Variants in MCTP1 observed in about 807,000 individuals in gnomAD.
MCTP1 encodes the protein multiple C2 and transmembrane domain containing 1, also known as multiple C2 and transmembrane domain-containing protein 1.
A neutral mutation model predicts 120.6 loss-of-function variants in MCTP1; 69 were observed. The ratio of observed to expected loss-of-function variants is 0.57; its 90% confidence interval spans 0.47 to 0.70. The LOEUF is 0.70. Among genes scored for constraint, MCTP1 ranks in the 30% least tolerant of loss-of-function variants. The pLI, the probability that MCTP1 is intolerant of heterozygous loss-of-function variation, is 0.00. For synonymous variants in MCTP1, 529 were observed against 493.1 expected, an observed-to-expected ratio of 1.07 and a Z score of -0.96; for missense variants, 1,203 against 1,248.8, an observed-to-expected ratio of 0.96 and a Z score of 0.55.
At chr5:95,227,762 C>T (rs1229303156) in intron 1 of MCTP1, among the ~76,000 whole-genome samples, 1 of 151,922 alleles carries the variant, frequency 6.6e-6, no homozygotes, top group Non-Finnish European at 1.5e-5. Context: ...TAGGTCATTA[C>T]CTTATATTAA....
chr5:94,995,891 GAT>G (rs1390443436), intron 2 of MCTP1, among the ~76,000 whole-genome samples: 1 of 152,140 alleles, frequency 6.6e-6, no homozygotes, highest in Non-Finnish European at 1.5e-5. Context: ...AAGAACAAAA[GAT>G]ATGCTAACAG....
chr5:95,084,174 A>T (rs1755252130), intron 1 of MCTP1, among the ~76,000 whole-genome samples: 1 of 152,166 alleles, frequency 6.6e-6, no homozygotes, highest in African/African-American at 2.4e-5. Context: ...CCTCCTGCAT[A>T]AATCTTGTAA....
chr5:94,847,676 G>A (rs62365746), intron 17 of MCTP1, among the ~76,000 whole-genome samples: 42 of 132,574 alleles, frequency 3.2e-4, no homozygotes, highest in Non-Finnish European at 4.0e-4. Flanking sequence ...GTGTGTGTGT[G>A]TGTGTGTATA....
chr5:94,909,242 T>G lies in MCTP1; in HGVS notation c.1652+9A>C. 6.2e-7 allele frequency: 1 copy of G among 1,611,828 alleles called. No homozygotes were observed. The highest frequency in any genetic ancestry group is 8.5e-7 in the Non-Finnish European group (1 of 1,178,934). ...TAGGAGTGAACCAAAAATTACAAAT[T>G]GCACAAACCTGCCAATGAAATCATC... On this transcript the variant is annotated intron_variant, in intron 10 of 22. Transcript: ENST00000515393.
At chr5:94,772,038 C>T (rs1774205086) in intron 19 of MCTP1, among the ~76,000 whole-genome samples, 1 of 152,134 alleles carries the variant, frequency 6.6e-6, no homozygotes, top group African/African-American at 2.4e-5. Flanking sequence ...CCACCCCCTA[C>T]CAGTTAGTTT....
At chr5:94,966,951 A>C (rs1034523368) in intron 2 of MCTP1, among the ~76,000 whole-genome samples, 4 of 152,180 alleles carry the variant, frequency 2.6e-5, no homozygotes, top group African/African-American at 9.7e-5. Context: ...TGTTCCCCTC[A>C]AAACTAGGAA....
chr5:95,256,746 A>T (rs975920610), intron 1 of MCTP1, among the ~76,000 whole-genome samples: 1 of 152,144 alleles, frequency 6.6e-6, no homozygotes, highest in Non-Finnish European at 1.5e-5. Flanking sequence ...GAGAGGAAAG[A>T]GACCTGGCTT....
chr5:95,284,593 T>C lies in MCTP1; in HGVS notation c.-18A>G, dbSNP rs1760609713. 4 of 1,399,754 alleles carry C rather than the reference T, an allele frequency of 2.9e-6. No homozygotes were observed. The highest frequency in any genetic ancestry group is 3.7e-6 in the Non-Finnish European group (4 of 1,086,464). The allele number at this position is 1,399,754 out of a possible 1,614,324, so 86.7% of individuals were successfully genotyped here. On this transcript the variant is annotated 5_prime_UTR_variant, in exon 1 of 23. Transcript: ENST00000515393. This position sits in a 1 kb window ranked among gnomAD's most constrained non-coding sequence, Gnocchi z 5.2. ...GGCTCCATCCTCCACCCCCTGCTCC[T>C]CCTCTCCCCTCCTCCTCCTCCTCCT...
At chr5:95,076,650 T>A (rs1753655168) in intron 1 of MCTP1, among the ~76,000 whole-genome samples, 1 of 151,950 alleles carries the variant, frequency 6.6e-6, no homozygotes. Flanking sequence ...GCGAGGGAAA[T>A]CACCACCAGA....
chr5:94,764,828 C>CAAAAAAA (rs57246943), intron 19 of MCTP1, among the ~76,000 whole-genome samples: 1 of 90,972 alleles, frequency 1.1e-5, no homozygotes, highest in African/African-American at 4.0e-5. Context: ...TGACCTGGAC[C>CAAAAAAA]AAAAAAAAAA....
chr5:95,270,452 G>C (rs1048488237), intron 1 of MCTP1, among the ~76,000 whole-genome samples: 1 of 152,196 alleles, frequency 6.6e-6, no homozygotes, highest in Non-Finnish European at 1.5e-5. Context: ...TGTTACATAT[G>C]TTTAGCTATT....
At chr5:95,098,334 C>A (rs1243443837) in intron 1 of MCTP1, among the ~76,000 whole-genome samples, 1 of 152,144 alleles carries the variant, frequency 6.6e-6, no homozygotes, top group Non-Finnish European at 1.5e-5. Flanking sequence ...AGAATATTAA[C>A]CCTTAATCTG....
intron 1 of MCTP1, among the ~76,000 whole-genome samples, chr5:95,225,134 T>C (rs543904378): frequency 6.6e-6 from 1 of 152,310 alleles, no homozygotes; most frequent in South Asian, 2.1e-4. Flanking sequence ...AAATAGCTCA[T>C]AGGTGTCTCA....
intron 1 of MCTP1, among the ~76,000 whole-genome samples, chr5:95,064,873 T>A (rs758968761): frequency 4.6e-5 from 7 of 152,250 alleles, no homozygotes; most frequent in Non-Finnish European, 7.3e-5. Context: ...AAGCTGCATA[T>A]AACCACTTCA....
chr5:94,864,957 T>C (rs1796521606), intron 17 of MCTP1, among the ~76,000 whole-genome samples: 1 of 151,888 alleles, frequency 6.6e-6, no homozygotes, highest in East Asian at 1.9e-4. Flanking sequence ...TATGAGACAT[T>C]TCCATGTCTA....
intron 1 of MCTP1, among the ~76,000 whole-genome samples, chr5:95,103,362 G>A (rs1582257155): frequency 6.6e-6 from 1 of 152,072 alleles, no homozygotes; most frequent in African/African-American, 2.4e-5. Context: ...GGCAGAAACA[G>A]CAAGTATAAA....
Position 94,894,771 on chromosome 5 carries a change from C to T in MCTP1, c.1717G>A (p.Glu573Lys). 1 of 1,613,310 alleles carries T rather than the reference C, an allele frequency of 6.2e-7. No individual in the cohort carries two copies. Among genetic ancestry groups the T allele is most frequent in the East Asian group, 2.2e-5 (1 of 44,846 alleles). Residue 573 changes from glutamate to lysine, a missense_variant, in exon 11 of 23, where the codon GAG becomes AAG. This residue lies in a region of MCTP1 where 740 missense variants were observed against 871.1 expected (regional missense o/e 0.85). Coordinates refer to ENST00000515393, the MANE Select transcript of MCTP1 (RefSeq NM_024717.7). ...AGCAGCACCAGGTGTCCCTCACCCT[C>T]TTCCAGCTGCAACTCCAGCTTGTGC... ...QTHKLELQLE[E>K]GEGHLVLLVT...
intron 17 of MCTP1, among the ~76,000 whole-genome samples, chr5:94,835,814 C>T (rs1429919506): frequency 6.6e-6 from 1 of 152,126 alleles, no homozygotes; most frequent in African/African-American, 2.4e-5. Context: ...ACCACCCTGA[C>T]TAACATGGTG....
At chr5:94,747,341 C>T (rs1227133329) in intron 19 of MCTP1, among the ~76,000 whole-genome samples, 1 of 152,162 alleles carries the variant, frequency 6.6e-6, no homozygotes, top group African/African-American at 2.4e-5. Context: ...TCCTCATAAT[C>T]TTATGAGGCA....
Sources: allele counts gnomAD v4.1 joint callset (sites outside exome capture counted in the v4.1 genomes callset), GRCh38; gene constraint gnomAD v4.1.1; regional missense constraint gnomAD v4.1.1; non-coding constraint Gnocchi (gnomAD v3.1); transcripts MANE v1.5; gene names NCBI Gene and HGNC (gene_info 2026-07-23, HGNC 2026-07-21).